WWTR1: variants seen among roughly 807,000 people sequenced by gnomAD.
WWTR1 encodes WW domain-containing transcription regulator protein 1.
In WWTR1, 13 loss-of-function variants were observed where a neutral mutation model predicts 40.1. The observed-to-expected ratio is 0.32, with a 90% CI of 0.21 to 0.52. The LOEUF (loss-of-function observed/expected upper bound fraction) is 0.52. WWTR1 is among the 20% of genes least tolerant of loss of function. The pLI is 0.97. For missense variants in WWTR1, 436 were observed against 523.1 expected (o/e 0.83, Z 1.63); for synonymous variants, 230 against 210.1 (o/e 1.09, Z -0.82).
chr3:149,654,100 T>C (rs1713059570), intron 2 of WWTR1, among the ~76,000 whole-genome samples: 1 of 149,440 alleles, frequency 6.7e-6, no homozygotes, highest in Non-Finnish European at 1.5e-5. Context: ...TGAAACCCCA[T>C]CTCTACCCCA....
intron 5 of WWTR1, among the ~76,000 whole-genome samples, chr3:149,715,453 C>T (rs2108234082): frequency 6.6e-6 from 1 of 152,372 alleles, no homozygotes; most frequent in Middle Eastern, 3.4e-3. Context: ...TCGGAACTGC[C>T]TGCCCCCTGG....
intron 5 of WWTR1, among the ~76,000 whole-genome samples, chr3:149,715,772 T>C (rs1425823060): frequency 6.6e-6 from 1 of 152,252 alleles, no homozygotes; most frequent in African/African-American, 2.4e-5. Flanking sequence ...TTAGTACATG[T>C]GGATAAAGTG....
chr3:149,530,763 C>G (rs1202330470), intron 4 of WWTR1, among the ~76,000 whole-genome samples: 1 of 152,166 alleles, frequency 6.6e-6, no homozygotes, highest in South Asian at 2.1e-4. Flanking sequence ...AACAGAAGCT[C>G]TAGTCTCCAG....
At chr3:149,565,868 C>T (rs1008506796) in intron 3 of WWTR1, among the ~76,000 whole-genome samples, 2 of 139,066 alleles carry the variant, frequency 1.4e-5, no homozygotes, top group African/African-American at 5.3e-5. Context: ...GTGGAGGTTG[C>T]GGTGAGCTGA....
chr3:149,670,689 G>T (rs1260137003), intron 1 of WWTR1: 1 of 151,742 alleles, frequency 6.6e-6, no homozygotes, highest in African/African-American at 2.4e-5. Flanking sequence ...TGAGGCAAGA[G>T]GTGAAGTGAC....
intron 2 of WWTR1, among the ~76,000 whole-genome samples, chr3:149,604,361 A>T (rs1739391952): frequency 6.6e-6 from 1 of 152,180 alleles, no homozygotes. Flanking sequence ...AGGGCACATG[A>T]CTTGGCTTCC....
At chr3:149,635,363 T>C (rs189100015) in intron 2 of WWTR1, among the ~76,000 whole-genome samples, 285 of 152,306 alleles carry the variant, frequency 1.9e-3, no homozygotes, top group African/African-American at 2.3e-3. Context: ...TACAGTCCCA[T>C]TACTAGGAAA....
intron 3 of WWTR1, among the ~76,000 whole-genome samples, chr3:149,547,738 GT>G (rs1736430926): frequency 2.0e-5 from 3 of 151,182 alleles, no homozygotes. Context: ...CATCTTTTTT[GT>G]TTTTCCTTCC....
rs1713302430 is a variant in WWTR1, at chr3:149,657,311, TG to T, written c.-3-3del. On this transcript the variant is annotated splice_polypyrimidine_tract_variant and splice_region_variant and intron_variant, in intron 1 of 6. Transcript: ENST00000360632. ...GGGCGCCGAGGCCGGATTCATCTTC[TG>T]CAAAAAGAAGGTCAGATCAGCCTTT... The T allele has an allele frequency of 1.9e-6, 3 of 1,606,850 alleles. No individual in the cohort carries two copies. The South Asian group carries it at 3.3e-5, about 18-fold the overall frequency.
intron 1 of WWTR1, among the ~76,000 whole-genome samples, chr3:149,671,752 T>C (rs1327861289): frequency 6.6e-6 from 1 of 152,196 alleles, no homozygotes; most frequent in African/African-American, 2.4e-5. Context: ...TTTATTCTAC[T>C]TCTACATATT....
chr3:149,706,196 C>G (rs941879129), upstream of WWTR1, among the ~76,000 whole-genome samples: 1 of 151,960 alleles, frequency 6.6e-6, no homozygotes, highest in Non-Finnish European at 1.5e-5. Flanking sequence ...GAGAGAGACT[C>G]TGTCTCAAAA....
In WWTR1 at chr3:149,657,502, G is replaced by A. The variant is rs6783790; in HGVS notation, c.-3-193C>T. The A allele has an allele frequency of 0.4, 260,042 of 652,862 alleles. 52,768 individuals are homozygous for A. The highest frequency in any genetic ancestry group is 0.49 in the Middle Eastern group (1,149 of 2,342). 40.4% of individuals were successfully genotyped at this position (652,862 alleles called of 1,614,324 possible). ...CAGGATGGGGGAGGGGTCCCTCCTG[G>A]CCTCGAGAATTATGCAACTTTCTTG... is the stretch of plus-strand genomic sequence containing the variant. On this transcript the variant is annotated intron_variant, in intron 1 of 6. Coordinates refer to ENST00000360632, the MANE Select transcript of WWTR1 (RefSeq NM_015472.6).
chr3:149,704,428 C>T (rs1576647404), upstream of WWTR1, among the ~76,000 whole-genome samples: 2 of 152,146 alleles, frequency 1.3e-5, no homozygotes, highest in East Asian at 3.9e-4. Context: ...TTAGTGACTG[C>T]TGCAGAAGAT....
chr3:149,691,357 G>A (rs528862003), intron 1 of WWTR1, among the ~76,000 whole-genome samples: 1 of 149,826 alleles, frequency 6.7e-6, no homozygotes, highest in African/African-American at 2.4e-5. Context: ...ACAATACAAA[G>A]GAACAATAAA....
intron 2 of WWTR1, among the ~76,000 whole-genome samples, chr3:149,636,033 G>T (rs184891962): frequency 5.9e-4 from 90 of 152,204 alleles, no homozygotes; most frequent in African/African-American, 2.1e-3. Flanking sequence ...GAATAAAAAA[G>T]TTCAAGTCAA....
At chr3:149,689,266 A>C (rs1341154073) in intron 1 of WWTR1, among the ~76,000 whole-genome samples, 5 of 151,710 alleles carry the variant, frequency 3.3e-5, no homozygotes, top group Non-Finnish European at 1.5e-5. Context: ...CTGTAGTCCC[A>C]GCTACTTGGG....
intron 2 of WWTR1, among the ~76,000 whole-genome samples, chr3:149,590,684 C>A (rs1738668336): frequency 6.6e-6 from 1 of 152,140 alleles, no homozygotes; most frequent in Non-Finnish European, 1.5e-5. Context: ...GTGAAGTAAA[C>A]CTACTTAATA....
chr3:149,520,585 C>T lies in WWTR1; in HGVS notation c.*220G>A, dbSNP rs894414908. On this transcript the variant is annotated 3_prime_UTR_variant, in exon 7 of 7. Coordinates refer to ENST00000360632, the MANE Select transcript of WWTR1 (RefSeq NM_015472.6). The stretch of plus-strand genomic sequence containing the variant: ...TTCTGTATAATCTGTCACAAGAACG[C>T]AGGCTTGCAGAAAATGAAAATAGAA... 2.5e-6 allele frequency: 1 copy of T among 404,040 alleles called. No individual in the cohort carries two copies. The highest frequency in any genetic ancestry group is 3.9e-5 in the East Asian group (1 of 25,950). The allele number at this position is 404,040 out of a possible 1,614,324, so 25.0% of individuals were successfully genotyped here.
At chr3:149,628,195 C>A (rs1740667205) in intron 2 of WWTR1, among the ~76,000 whole-genome samples, 1 of 151,778 alleles carries the variant, frequency 6.6e-6, no homozygotes, top group South Asian at 2.1e-4. Context: ...ACGGTGAAAC[C>A]CCGTCCCTAT....
Sources: allele counts gnomAD v4.1 joint callset (sites outside exome capture counted in the v4.1 genomes callset), GRCh38; gene constraint gnomAD v4.1.1; transcripts MANE v1.5; gene names NCBI Gene and HGNC (gene_info 2026-07-23, HGNC 2026-07-21).